FSTL4: variants seen among roughly 807,000 people sequenced by gnomAD.
FSTL4 encodes the protein follistatin-related protein 4.
FSTL4 carries 28 observed loss-of-function variants against 78.2 expected under a neutral mutation model. That is an observed-to-expected ratio of 0.36 (90% CI 0.27 to 0.49). The LOEUF (loss-of-function observed/expected upper bound fraction) is 0.49. FSTL4 is among the 20% of genes least tolerant of loss of function. The pLI is 0.98. For synonymous variants in FSTL4, 422 were observed against 440.5 expected (o/e 0.96, Z 0.53); for missense variants, 922 against 1,084.9 (o/e 0.85, Z 2.11).
intron 3 of FSTL4, among the ~76,000 whole-genome samples, chr5:133,470,209 C>T (rs1034513897): frequency 1.3e-5 from 2 of 152,084 alleles, no homozygotes; most frequent in Non-Finnish European, 2.9e-5. Flanking sequence ...ATTGCCAGAC[C>T]CGCAACAGAA....
At chr5:133,311,850 T>C (rs2278231) in intron 6 of FSTL4, among the ~76,000 whole-genome samples, 10,321 of 152,250 alleles carry the variant, frequency 0.068, 513 homozygotes, top group East Asian at 0.26. Flanking sequence ...CATCTTCTAA[T>C]GTAAGGGGCT....
chr5:133,451,639 G>A (rs531963407), intron 3 of FSTL4, among the ~76,000 whole-genome samples: 1 of 152,300 alleles, frequency 6.6e-6, no homozygotes, highest in Admixed American at 6.5e-5. Context: ...CATGTGTGGA[G>A]CAGAGCCACC....
At chr5:133,322,487 G>C (rs934052119) in intron 4 of FSTL4, among the ~76,000 whole-genome samples, 5 of 152,214 alleles carry the variant, frequency 3.3e-5, no homozygotes, top group Non-Finnish European at 5.9e-5. Context: ...CCCAAGAAGT[G>C]CTGGAAGGAA....
chr5:133,701,509 A>ACACACACCC, the FSTL4 span, among the ~76,000 whole-genome samples: 1,511 of 132,604 alleles, frequency 0.011, 17 homozygotes, highest in Middle Eastern at 0.019. Context: ...ACACACACAC[A>ACACACACCC]CCCCACAGGC....
At chr5:133,792,904 C>T in the FSTL4 span, among the ~76,000 whole-genome samples, 8 of 152,140 alleles carry the variant, frequency 5.3e-5, no homozygotes, top group East Asian at 3.8e-4. Context: ...CTGTAAAACT[C>T]GGGCTCAGAG....
intron 3 of FSTL4, among the ~76,000 whole-genome samples, chr5:133,546,813 C>G (rs1045868781): frequency 1.3e-5 from 2 of 152,148 alleles, no homozygotes; most frequent in Non-Finnish European, 2.9e-5. Flanking sequence ...TCTGCCAACC[C>G]AGCCACAGCT....
chr5:133,228,990 A>C (rs1024133013), intron 8 of FSTL4, among the ~76,000 whole-genome samples: 3 of 152,246 alleles, frequency 2.0e-5, no homozygotes, highest in African/African-American at 7.2e-5. Flanking sequence ...ATAAGGATTA[A>C]TTGGTACGTA....
the FSTL4 span, among the ~76,000 whole-genome samples, chr5:133,819,681 G>A: frequency 1.3e-5 from 2 of 152,222 alleles, no homozygotes; most frequent in South Asian, 2.1e-4. Flanking sequence ...TGTTCCAGAT[G>A]AGACCTCCTG....
chr5:133,565,841 CA>C (rs1760015693), intron 3 of FSTL4, among the ~76,000 whole-genome samples: 2 of 152,160 alleles, frequency 1.3e-5, no homozygotes, highest in African/African-American at 2.4e-5. Flanking sequence ...AAATCAATTC[CA>C]AACATTCACA....
intron 4 of FSTL4, among the ~76,000 whole-genome samples, chr5:133,324,310 G>A (rs533965863): frequency 2.6e-5 from 4 of 152,312 alleles, no homozygotes; most frequent in South Asian, 2.1e-4. Context: ...ACAGGCTGTC[G>A]GGAGCTCAGA....
chr5:133,770,786 C>T, the FSTL4 span, among the ~76,000 whole-genome samples: 801 of 152,082 alleles, frequency 5.3e-3, 1 homozygote, highest in Non-Finnish European at 7.5e-3. Flanking sequence ...AGGACCTGGT[C>T]GTAAATTCTT....
chr5:133,297,432 A>T (rs754401011), intron 6 of FSTL4, among the ~76,000 whole-genome samples: 1 of 152,122 alleles, frequency 6.6e-6, no homozygotes, highest in Non-Finnish European at 1.5e-5. Flanking sequence ...GGAGTGCTGG[A>T]GCCATCATGC....
chr5:133,429,734 A>G (rs1393943181), intron 3 of FSTL4, among the ~76,000 whole-genome samples: 1 of 152,060 alleles, frequency 6.6e-6, no homozygotes, highest in African/African-American at 2.4e-5. Context: ...TACAAGAAGA[A>G]CAGAGCACGG....
the FSTL4 span, among the ~76,000 whole-genome samples, chr5:133,648,110 A>G: frequency 6.6e-6 from 1 of 152,150 alleles, no homozygotes; most frequent in Non-Finnish European, 1.5e-5. Flanking sequence ...CTGTAAGTCC[A>G]CTAAACCTCT....
intron 3 of FSTL4, among the ~76,000 whole-genome samples, chr5:133,483,006 G>GCTA (rs1446596225): frequency 3.3e-5 from 5 of 152,162 alleles, no homozygotes; most frequent in Non-Finnish European, 5.9e-5. Context: ...TTGAATTGTA[G>GCTA]CTACCATCAT....
chr5:133,367,763 G>A (rs1021160708), intron 4 of FSTL4, among the ~76,000 whole-genome samples: 1 of 152,250 alleles, frequency 6.6e-6, no homozygotes, highest in African/African-American at 2.4e-5. Flanking sequence ...AAGATCAGGA[G>A]AGTAGAAAAG....
At chr5:133,418,404 G>A (rs527561440) in intron 3 of FSTL4, among the ~76,000 whole-genome samples, 78 of 151,916 alleles carry the variant, frequency 5.1e-4, no homozygotes, top group African/African-American at 1.4e-3. Flanking sequence ...ATATGCTCAC[G>A]GATTAGAAGT....
chr5:133,522,391 T>C (rs1561455550), intron 3 of FSTL4, among the ~76,000 whole-genome samples: 1 of 152,236 alleles, frequency 6.6e-6, no homozygotes, highest in Non-Finnish European at 1.5e-5. Flanking sequence ...TAATTACCTA[T>C]GTGCCACAAT....
intron 6 of FSTL4, among the ~76,000 whole-genome samples, chr5:133,311,447 C>T (rs1220085185): frequency 6.6e-6 from 1 of 152,146 alleles, no homozygotes; most frequent in Non-Finnish European, 1.5e-5. Context: ...AAGGCCCCTG[C>T]AACCACGTCA....
Sources: gnomAD v4.1 joint callset for allele counts (sites outside exome capture counted in the v4.1 genomes callset) on GRCh38, gnomAD v4.1.1 for gene constraint, MANE v1.5 for transcripts, NCBI Gene and HGNC (gene_info 2026-07-23, HGNC 2026-07-21) for gene names.